MEGF6: variants seen among roughly 807,000 people sequenced by gnomAD.
MEGF6 encodes multiple epidermal growth factor-like domains protein 6.
Under a neutral mutation model 207.1 loss-of-function variants are expected in MEGF6, and 184 were observed. That is an observed-to-expected ratio of 0.89 (90% confidence interval 0.79 to 1.00). The LOEUF is 1.00. Among genes scored for constraint, MEGF6 ranks in the 50% least tolerant of loss-of-function variants. MEGF6 has a pLI of 0.00. For synonymous variants in MEGF6, 1,038 were observed against 910.0 expected (o/e 1.14, Z -2.53); for missense variants, 2,282 against 2,202.9 (o/e 1.04, Z -0.72).
chr1:3,488,276 C>T lies in MEGF6; in HGVS notation c.*2252G>A, dbSNP rs894413048. The stretch of plus-strand genomic sequence containing the variant: ...GCCGTTGGATAGCTGAGATTTCCTC[C>T]GGATGGGCAGAAGCTCGGCCTGCCT... On this transcript the variant is annotated 3_prime_UTR_variant, in exon 37 of 37. Transcript: ENST00000356575. 2.6e-5 allele frequency among the ~76,000 whole-genome samples: 4 copies of T among 152,186 alleles called. No individual in the cohort carries two copies. The highest frequency in any genetic ancestry group is 5.9e-5 in the Non-Finnish European group (4 of 68,046).
At chr1:3,550,084 C>T (rs1362121840) in intron 4 of MEGF6, among the ~76,000 whole-genome samples, 1 of 152,214 alleles carries the variant, frequency 6.6e-6, no homozygotes, top group Non-Finnish European at 1.5e-5. Flanking sequence ...CCCCAGCCCT[C>T]CCCATCCCGG....
At chr1:3,541,827 A>G (rs900422515) in intron 4 of MEGF6, among the ~76,000 whole-genome samples, 1 of 151,844 alleles carries the variant, frequency 6.6e-6, no homozygotes, top group Non-Finnish European at 1.5e-5. Flanking sequence ...CCCTGGGGGC[A>G]CCGTGGGGGG....
intron 1 of MEGF6, among the ~76,000 whole-genome samples, chr1:3,609,556 T>C (rs952546837): frequency 6.6e-6 from 1 of 152,194 alleles, no homozygotes; most frequent in African/African-American, 2.4e-5. Context: ...CGCCACTTAC[T>C]GCAGCCAGGG....
At position 3,579,926 on chromosome 1, in the gene MEGF6, TCAGCTGC is replaced by T; in HGVS notation, c.377-4_379del. The T allele has an allele frequency of 6.6e-7, 1 of 1,523,258 alleles. No homozygotes were observed. Among genetic ancestry groups the T allele is most frequent in the Non-Finnish European group, 8.8e-7 (1 of 1,142,528 alleles). The allele number at this position is 1,523,258 out of a possible 1,614,324, so 94.4% of individuals were successfully genotyped here. ...GTGAAAACAGAGGCTGGCGCTGCAT[TCAGCTGC>T]GGAGGGAAGGAGAAAATCGGTGAGA... is the stretch of plus-strand genomic sequence containing the variant. On this transcript the variant is annotated splice_acceptor_variant and splice_polypyrimidine_tract_variant and coding_sequence_variant and intron_variant, in exon 4 of 37. Coordinates refer to ENST00000356575, the MANE Select transcript of MEGF6 (RefSeq NM_001409.4). LOFTEE classifies it high-confidence loss of function.
At chr1:3,501,752 G>A (rs1331170490) in intron 18 of MEGF6, 44 bp downstream of exon 18, 11 of 1,598,618 alleles carry the variant, frequency 6.9e-6, no homozygotes, top group South Asian at 5.6e-5. Flanking sequence ...GCTTGGAGCC[G>A]TGCAGCCTGG....
chr1:3,562,874 A>G (rs1233597576), intron 4 of MEGF6, among the ~76,000 whole-genome samples: 1 of 152,064 alleles, frequency 6.6e-6, no homozygotes, highest in Non-Finnish European at 1.5e-5. Context: ...GGCCTTGGTG[A>G]CAGTGGAGGT....
chr1:3,511,534 A>G lies in MEGF6; in HGVS notation c.1114+16T>C. The G allele has an allele frequency of 1.3e-6, 2 of 1,593,534 alleles. No homozygotes were observed. Among genetic ancestry groups the G allele is most frequent in the Non-Finnish European group, 1.7e-6 (2 of 1,165,792 alleles). ...CTGGAGTGGGGTGCAGGCATCTGGG[A>G]GGAGCCAGTGCGCACCGATGCAGGT... On this transcript the variant is annotated intron_variant, in intron 9 of 36. Transcript: ENST00000356575.
At chr1:3,515,348 C>A (rs865944647) in intron 6 of MEGF6, 54 bp downstream of exon 6, 33 of 1,564,716 alleles carry the variant, frequency 2.1e-5, no homozygotes, top group Middle Eastern at 1.9e-4. Flanking sequence ...CCAGGCGAGG[C>A]AGCTTGTCCT....
chr1:3,498,464 GC>G lies in MEGF6; in HGVS notation c.3258del (p.His1087ThrfsTer187). On this transcript the variant is annotated frameshift_variant, in exon 26 of 37. Coordinates refer to ENST00000356575, the MANE Select transcript of MEGF6 (RefSeq NM_001409.4). LOFTEE classifies it high-confidence loss of function. ...CLPRDVRAGC[R>X]HSGGCLNGGL... ...CCCCCGTTGAGGCAACCGCCGCTGT[GC>G]CGGCAGCCAGCTCTGACGTCCCGGG... 1 of 1,583,614 alleles carries G rather than the reference GC, an allele frequency of 6.3e-7. No homozygotes were observed. The highest frequency in any genetic ancestry group is 8.6e-7 in the Non-Finnish European group (1 of 1,167,474).
At position 3,498,501 on chromosome 1, in the gene MEGF6, T is replaced by C. The variant is rs1231379226; in HGVS notation, c.3224-2A>G. The C allele has an allele frequency of 1.3e-5, 20 of 1,570,328 alleles. No individual in the cohort carries two copies. The South Asian group carries it at 1.8e-4, about 14-fold the overall frequency. Reference sequence around the variant, plus strand: ...CTCTGACGTCCCGGGGGAGGCACTCTACAGGAGCAGAGGCAGGCACGAGGG... The same window carrying C: ...CTCTGACGTCCCGGGGGAGGCACTCCACAGGAGCAGAGGCAGGCACGAGGG... On this transcript the variant is annotated splice_acceptor_variant, in intron 25 of 36. Transcript: ENST00000356575. LOFTEE classifies it high-confidence loss of function.
At chr1:3,553,447 G>A (rs1172247339) in intron 4 of MEGF6, among the ~76,000 whole-genome samples, 5 of 152,184 alleles carry the variant, frequency 3.3e-5, no homozygotes, top group Non-Finnish European at 7.4e-5. Flanking sequence ...AGCTGACGAG[G>A]AGGGGGAGCC....
At chr1:3,585,340 C>T (rs1157432797) in intron 3 of MEGF6, among the ~76,000 whole-genome samples, 2 of 134,712 alleles carry the variant, frequency 1.5e-5, no homozygotes, top group African/African-American at 5.9e-5. Context: ...GACACATGTC[C>T]TATGTGTGTG....
At chr1:3,529,014 G>A (rs929643103) in intron 4 of MEGF6, among the ~76,000 whole-genome samples, 16 of 152,188 alleles carry the variant, frequency 1.1e-4, no homozygotes, top group African/African-American at 3.6e-4. Flanking sequence ...GGGGCTCCCA[G>A]TGCCAGCTCT....
At position 3,575,614 on chromosome 1, in the gene MEGF6, C is replaced by CA. The variant is rs1351141845; in HGVS notation, c.481+4210dup. 6.4e-5 allele frequency among the ~76,000 whole-genome samples: 7 copies of CA among 108,594 alleles called. No homozygotes were observed. The South Asian group carries it at 1.5e-3, about 23-fold the overall frequency. The allele number at this position is 108,594 out of a possible 152,430, so 71.2% of individuals were successfully genotyped here. A position where few individuals can be genotyped will look rare whatever the true frequency, so the allele number is the denominator to read the frequency against. On this transcript the variant is annotated intron_variant, in intron 4 of 36. Coordinates refer to ENST00000356575, the MANE Select transcript of MEGF6 (RefSeq NM_001409.4). ...GAGGCCTCACAATCATGGCAGAAGG[C>CA]AAGGAGGAGCAAGTCACATCTTACA...
intron 8 of MEGF6, 47 bp downstream of exon 8, chr1:3,511,959 C>T: frequency 6.2e-7 from 1 of 1,610,494 alleles, no homozygotes; most frequent in East Asian, 2.2e-5. Context: ...TGGGGAGCAG[C>T]ATGGCCATCC....
intron 23 of MEGF6, 99 bp from the exon 24 acceptor site, chr1:3,499,365 G>A (rs754248913): frequency 7.8e-5 from 114 of 1,461,596 alleles, no homozygotes; most frequent in Non-Finnish European, 9.3e-5. Context: ...GGGTCCCCTC[G>A]GCTGCTATGG....
chr1:3,619,506 C>A, the MEGF6 span, among the ~76,000 whole-genome samples: 7,548 of 152,268 alleles, frequency 0.05, 246 homozygotes, highest in Middle Eastern at 0.095. Flanking sequence ...GAGAGAGGGG[C>A]CTGGTGGGAA....
intron 4 of MEGF6, among the ~76,000 whole-genome samples, chr1:3,569,157 C>T (rs375836068): frequency 3.3e-5 from 5 of 152,248 alleles, no homozygotes; most frequent in Non-Finnish European, 7.3e-5. Context: ...CCCCCGCCAC[C>T]AGCCGCCTGT....
At chr1:3,538,295 G>A (rs577241881) in intron 4 of MEGF6, among the ~76,000 whole-genome samples, 46 of 152,096 alleles carry the variant, frequency 3.0e-4, no homozygotes, top group South Asian at 2.1e-4. Flanking sequence ...TCCCACTGTC[G>A]CCACCACAGA....
Sources: gnomAD v4.1 joint callset for allele counts (sites outside exome capture counted in the v4.1 genomes callset) on GRCh38, gnomAD v4.1.1 for gene constraint, MANE v1.5 for transcripts, NCBI Gene and HGNC (gene_info 2026-07-23, HGNC 2026-07-21) for gene names.